LAMC1: variants seen among roughly 807,000 people sequenced by gnomAD.
The protein encoded by LAMC1 is laminin subunit gamma 1.
LAMC1 carries 38 observed loss-of-function variants against 173.6 expected under a neutral mutation model. The observed-to-expected ratio is 0.22, with a 90% CI of 0.17 to 0.29. The LOEUF is 0.29. LAMC1 is among the 10% of genes least tolerant of loss of function. The probability of loss-of-function intolerance (pLI) is 1.00; values close to 1 mark genes in which losing one functional copy is unlikely to be tolerated. For synonymous variants in LAMC1, 746 were observed against 749.1 expected (o/e 1.00, Z 0.07); for missense variants, 1,824 against 2,051.8 (o/e 0.89, Z 2.14).
At position 183,122,319 on chromosome 1, in the gene LAMC1, C is replaced by T. The variant is rs554611434; in HGVS notation, c.2401+68C>T. On this transcript the variant is annotated intron_variant, in intron 13 of 27. Transcript: ENST00000258341. Reference sequence around the variant, plus strand: ...AAAAAGACCTAGGGGAAAGGGGCTTCGGAGTTGTTTTGGATCTTTGTGTTT... The same window carrying T: ...AAAAAGACCTAGGGGAAAGGGGCTTTGGAGTTGTTTTGGATCTTTGTGTTT... 69 of 1,465,048 alleles carry T rather than the reference C, an allele frequency of 4.7e-5. 1 individual carries two copies. Among genetic ancestry groups the T allele is most frequent in the African/African-American group, 4.1e-4 (29 of 71,238 alleles). 90.8% of individuals were successfully genotyped at this position (1,465,048 alleles called of 1,614,324 possible). A position where few individuals can be genotyped will look rare whatever the true frequency, so the allele number is the denominator to read the frequency against.
At chr1:183,052,479 A>G (rs1361197535) in intron 1 of LAMC1, among the ~76,000 whole-genome samples, 1 of 152,008 alleles carries the variant, frequency 6.6e-6, no homozygotes, top group African/African-American at 2.4e-5. Context: ...GATTACAGGC[A>G]TGCGCCACCA....
At chr1:183,111,384 GC>G (rs1558051400) in intron 4 of LAMC1, among the ~76,000 whole-genome samples, 1 of 152,096 alleles carries the variant, frequency 6.6e-6, no homozygotes, top group Non-Finnish European at 1.5e-5. Flanking sequence ...ACTGCGCCTG[GC>G]CGCACAAGAT....
intron 4 of LAMC1, among the ~76,000 whole-genome samples, chr1:183,111,696 TC>T (rs1656158379): frequency 6.6e-6 from 1 of 152,202 alleles, no homozygotes; most frequent in Admixed American, 6.5e-5. Flanking sequence ...TTTATCATAT[TC>T]TGTTAAGAAT....
At chr1:183,118,782 C>A (rs1049559710) in intron 11 of LAMC1, among the ~76,000 whole-genome samples, 2 of 150,714 alleles carry the variant, frequency 1.3e-5, no homozygotes, top group African/African-American at 4.9e-5. Context: ...ATCTTCATTT[C>A]TTTTTATTTA....
intron 1 of LAMC1, among the ~76,000 whole-genome samples, chr1:183,086,481 G>T (rs1655429948): frequency 6.6e-6 from 1 of 151,450 alleles, no homozygotes; most frequent in Non-Finnish European, 1.5e-5. Context: ...CATGTCACTT[G>T]TCCCTCGTGG....
chr1:183,119,380 A>G (rs1656408592), intron 11 of LAMC1, among the ~76,000 whole-genome samples: 1 of 152,174 alleles, frequency 6.6e-6, no homozygotes, highest in African/African-American at 2.4e-5. Context: ...GTAGTTAGAA[A>G]TATGAATCTG....
intron 14 of LAMC1, 42 bp downstream of exon 14, chr1:183,124,918 C>A: frequency 6.3e-7 from 1 of 1,599,088 alleles, no homozygotes. Flanking sequence ...CTAAATGCCC[C>A]TTTATTGTGA....
At chr1:183,134,208 G>A (rs1656874594) in intron 22 of LAMC1, among the ~76,000 whole-genome samples, 1 of 152,052 alleles carries the variant, frequency 6.6e-6, no homozygotes, top group African/African-American at 2.4e-5. Flanking sequence ...TTATATCTGA[G>A]GTGTTGACTT....
At chr1:183,129,896 A>G (rs1240764314) in intron 18 of LAMC1, among the ~76,000 whole-genome samples, 4 of 152,206 alleles carry the variant, frequency 2.6e-5, no homozygotes, top group African/African-American at 7.2e-5. Context: ...TTAATTTGTC[A>G]TACTTCAACT....
At chr1:183,095,293 G>A (rs1010502669) in intron 1 of LAMC1, among the ~76,000 whole-genome samples, 1 of 152,092 alleles carries the variant, frequency 6.6e-6, no homozygotes, top group African/African-American at 2.4e-5. Flanking sequence ...ATACCACCGT[G>A]ACTAGGTATT....
In LAMC1 at chr1:183,041,559, C is replaced by T. The variant is rs146533619; in HGVS notation, c.418+17425C>T. Among the ~76,000 whole-genome samples, 52 of 152,304 alleles carry T rather than the reference C, an allele frequency of 3.4e-4. 1 individual carries two copies. The highest frequency in any genetic ancestry group is 1.3e-3 in the African/African-American group (52 of 41,558). On this transcript the variant is annotated intron_variant, in intron 1 of 27. Transcript: ENST00000258341. Reference sequence around the variant, plus strand: ...GGGGTGCTATATTGTATTGTTTTCTCTCTTTCCCCCATTAGCTGAGTTCAT... The same window carrying T: ...GGGGTGCTATATTGTATTGTTTTCTTTCTTTCCCCCATTAGCTGAGTTCAT...
At chr1:183,066,439 G>A (rs561835449) in intron 1 of LAMC1, among the ~76,000 whole-genome samples, 9 of 152,290 alleles carry the variant, frequency 5.9e-5, no homozygotes, top group African/African-American at 2.2e-4. Flanking sequence ...ATTTGACTCA[G>A]CAATCCCATT....
At chr1:183,124,192 C>A (rs1384777606) in intron 13 of LAMC1, among the ~76,000 whole-genome samples, 1 of 152,216 alleles carries the variant, frequency 6.6e-6, no homozygotes, top group Non-Finnish European at 1.5e-5. Flanking sequence ...ATGCCTCTTA[C>A]ATTTTAAGAG....
intron 1 of LAMC1, among the ~76,000 whole-genome samples, chr1:183,099,210 T>G (rs1250834708): frequency 1.3e-5 from 2 of 152,120 alleles, no homozygotes; most frequent in Non-Finnish European, 2.9e-5. Flanking sequence ...CACCTCATCC[T>G]CCTGAGTAGC....
At chr1:183,092,943 C>T (rs1369511005) in intron 1 of LAMC1, among the ~76,000 whole-genome samples, 3 of 152,112 alleles carry the variant, frequency 2.0e-5, no homozygotes, top group Non-Finnish European at 4.4e-5. Flanking sequence ...TTCTTGAACA[C>T]CCCTTTCCCC....
rs757377187 is a variant in LAMC1 at position 183,116,567 on chromosome 1, C to G, written c.1329-10C>G. 6.4e-7 allele frequency: 1 copy of G among 1,555,490 alleles called. No homozygotes were observed. The highest frequency in any genetic ancestry group is 8.8e-7 in the Non-Finnish European group (1 of 1,134,132). On this transcript the variant is annotated splice_polypyrimidine_tract_variant and intron_variant, in intron 6 of 27. Transcript: ENST00000258341. The stretch of plus-strand genomic sequence containing the variant: ...TTCTCTGATTGTTTTATCCATTTTT[C>G]ATTGAATAGGCCATGCTCTTGTGAT...
In LAMC1 at chr1:183,084,363, A is replaced by G. The variant is rs562690562; in HGVS notation, c.419-18965A>G. On this transcript the variant is annotated intron_variant, in intron 1 of 27. Transcript: ENST00000258341. ...GTCTCAAGAAAAAAAAAAAAAAAGC[A>G]TATTATTTACAACATCAGCACTTTT... 2.6e-5 allele frequency among the ~76,000 whole-genome samples: 4 copies of G among 152,044 alleles called. No individual in the cohort carries two copies. In the East Asian group the frequency reaches 5.8e-4, roughly 22 times the overall value.
In LAMC1 at chr1:183,077,776, G is replaced by GTGTGTGTGTATATATATATATATATATA; in HGVS notation, c.419-25551_419-25550insGTGTGTGTATATATATATATATATATAT. The stretch of plus-strand genomic sequence containing the variant: ...TGAATAGTATTTTTATGGCCATTGT[G>GTGTGTGTGTATATATATATATATATATA]TATATATATATATATATATACAGTA... On this transcript the variant is annotated intron_variant, in intron 1 of 27. Transcript: ENST00000258341. 5.0e-3 allele frequency among the ~76,000 whole-genome samples: 587 copies of GTGTGTGTGTATATATATATATATATATA among 116,458 alleles called. 25 individuals are homozygous for GTGTGTGTGTATATATATATATATATATA. Among genetic ancestry groups the GTGTGTGTGTATATATATATATATATATA allele is most frequent in the Middle Eastern group, 0.014 (3 of 218 alleles). The allele number at this position is 116,458 out of a possible 152,430, so 76.4% of individuals were successfully genotyped here.
intron 1 of LAMC1, among the ~76,000 whole-genome samples, chr1:183,080,083 A>G (rs1655229812): frequency 6.6e-6 from 1 of 152,130 alleles, no homozygotes; most frequent in Non-Finnish European, 1.5e-5. Context: ...TCTCTACTAA[A>G]AATACAAAAA....
Sources: allele counts gnomAD v4.1 joint callset (sites outside exome capture counted in the v4.1 genomes callset), GRCh38; gene constraint gnomAD v4.1.1; transcripts MANE v1.5; gene names NCBI Gene and HGNC (gene_info 2026-07-23, HGNC 2026-07-21).